The following LRRTM4 variants were observed in gnomAD, a reference collection of about 807,000 sequenced individuals.
The protein encoded by LRRTM4 is leucine rich repeat transmembrane neuronal 4.
A neutral mutation model predicts 47.6 loss-of-function variants in LRRTM4; 25 were observed. The observed-to-expected ratio is 0.53, with a 90% confidence interval of 0.38 to 0.73. The LOEUF (loss-of-function observed/expected upper bound fraction) is 0.73. Ranked by LOEUF, LRRTM4 falls within the 30% of genes least tolerant of loss-of-function variation. The pLI, the probability that LRRTM4 is intolerant of heterozygous loss-of-function variation, is 0.00. For synonymous variants in LRRTM4, 311 were observed against 269.5 expected, an observed-to-expected ratio of 1.15 and a Z score of -1.51; for missense variants, 638 against 713.4, an observed-to-expected ratio of 0.89 and a Z score of 1.20.
chr2:76,786,385 C>T (rs917130657), intron 3 of LRRTM4, among the ~76,000 whole-genome samples: 7 of 151,724 alleles, frequency 4.6e-5, no homozygotes, highest in African/African-American at 1.7e-4. Context: ...AAATTGGTCC[C>T]CCAAGACTCC....
intron 3 of LRRTM4, among the ~76,000 whole-genome samples, chr2:77,506,232 A>G (rs1678766367): frequency 6.6e-6 from 1 of 151,672 alleles, no homozygotes; most frequent in Non-Finnish European, 1.5e-5. Flanking sequence ...ATAATATTTT[A>G]GCAGGAAAAA....
chr2:77,317,639 A>T (rs1677655225), intron 3 of LRRTM4, among the ~76,000 whole-genome samples: 1 of 152,168 alleles, frequency 6.6e-6, no homozygotes, highest in African/African-American at 2.4e-5. Flanking sequence ...ACAGTATTTG[A>T]TGTTGTTCAC....
At chr2:77,308,513 G>A (rs992838048) in intron 3 of LRRTM4, among the ~76,000 whole-genome samples, 3 of 151,916 alleles carry the variant, frequency 2.0e-5, no homozygotes, top group African/African-American at 4.8e-5. Flanking sequence ...TGTGAGTTTT[G>A]TAGATAGGCA....
intron 3 of LRRTM4, among the ~76,000 whole-genome samples, chr2:77,074,712 C>T (rs1680275638): frequency 6.6e-6 from 1 of 152,066 alleles, no homozygotes; most frequent in Non-Finnish European, 1.5e-5. Context: ...AGTCCCAAAA[C>T]ATTAGCATGA....
chr2:77,246,354 G>C (rs1675445517), intron 3 of LRRTM4, among the ~76,000 whole-genome samples: 1 of 152,068 alleles, frequency 6.6e-6, no homozygotes. Context: ...TCCAATTCTG[G>C]TGACATTTCG....
chr2:77,486,892 G>A (rs1465932836), intron 3 of LRRTM4, among the ~76,000 whole-genome samples: 2 of 152,214 alleles, frequency 1.3e-5, no homozygotes, highest in East Asian at 1.9e-4. Context: ...TTTTCTTCTC[G>A]TTTTAATGAA....
At chr2:77,413,385 C>T (rs994766024) in intron 3 of LRRTM4, among the ~76,000 whole-genome samples, 1 of 152,126 alleles carries the variant, frequency 6.6e-6, no homozygotes, top group African/African-American at 2.4e-5. Context: ...AACCAATTAG[C>T]TGTAGCAGTC....
At chr2:77,055,962 T>G (rs1381385550) in intron 3 of LRRTM4, among the ~76,000 whole-genome samples, 2 of 146,884 alleles carry the variant, frequency 1.4e-5, no homozygotes, top group Non-Finnish European at 3.0e-5. Context: ...ACACCGCATA[T>G]TCTCACTCAT....
intron 3 of LRRTM4, among the ~76,000 whole-genome samples, chr2:76,995,960 A>G (rs1448654685): frequency 6.6e-6 from 1 of 152,108 alleles, no homozygotes; most frequent in African/African-American, 2.4e-5. Flanking sequence ...GAAATAATTA[A>G]CTTACGAAGG....
Position 76,864,491 on chromosome 2 carries a change from C to G in LRRTM4, c.1552-115575G>C, listed in dbSNP as rs188641457. On this transcript the variant is annotated intron_variant, in intron 3 of 3. Coordinates refer to ENST00000409884, the MANE Select transcript of LRRTM4 (RefSeq NM_001134745.3). ...TGACCAACATGGAGAAACCCCATCT[C>G]TACTAAAAATACAAAATTAGCTTGG... Among the ~76,000 whole-genome samples the G allele has an allele frequency of 2.6e-3, 398 of 151,750 alleles. 1 individual carries two copies. Among genetic ancestry groups the G allele is most frequent in the Non-Finnish European group, 4.0e-3 (273 of 67,920 alleles).
chr2:76,940,229 C>T (rs1042857623), intron 3 of LRRTM4, among the ~76,000 whole-genome samples: 1 of 151,890 alleles, frequency 6.6e-6, no homozygotes, highest in African/African-American at 2.4e-5. Flanking sequence ...GCAAAGACAT[C>T]GAATCAACCT....
At chr2:77,417,909 A>G (rs116079045) in intron 3 of LRRTM4, among the ~76,000 whole-genome samples, 1 of 152,260 alleles carries the variant, frequency 6.6e-6, no homozygotes, top group Non-Finnish European at 1.5e-5. Flanking sequence ...CTTAAAGTAT[A>G]ATAAAAAAAG....
intron 3 of LRRTM4, among the ~76,000 whole-genome samples, chr2:77,171,701 T>C (rs1673053447): frequency 6.6e-6 from 1 of 152,000 alleles, no homozygotes; most frequent in South Asian, 2.1e-4. Context: ...AAAAAGTTAA[T>C]ATTTATTACC....
At chr2:77,453,283 G>A (rs868383761) in intron 3 of LRRTM4, among the ~76,000 whole-genome samples, 10 of 147,146 alleles carry the variant, frequency 6.8e-5, no homozygotes, top group African/African-American at 2.5e-4. Context: ...CTGGGTTCAC[G>A]CCATTCTCCT....
At chr2:76,923,130 A>G (rs941981225) in intron 3 of LRRTM4, among the ~76,000 whole-genome samples, 1 of 152,054 alleles carries the variant, frequency 6.6e-6, no homozygotes, top group South Asian at 2.1e-4. Context: ...ACTTCTGTCA[A>G]TGTCTTTGTA....
At chr2:77,081,759 C>T (rs1425837103) in intron 3 of LRRTM4, among the ~76,000 whole-genome samples, 3 of 152,104 alleles carry the variant, frequency 2.0e-5, no homozygotes, top group Non-Finnish European at 2.9e-5. Context: ...GATAATGCTG[C>T]ACACTGAAAA....
chr2:77,042,580 C>A (rs1252285551), intron 3 of LRRTM4, among the ~76,000 whole-genome samples: 1 of 151,392 alleles, frequency 6.6e-6, no homozygotes, highest in African/African-American at 2.4e-5. Context: ...AATATGGGGT[C>A]TATTTTTGTA....
chr2:77,255,769 C>A (rs1284036150), intron 3 of LRRTM4, among the ~76,000 whole-genome samples: 1 of 151,936 alleles, frequency 6.6e-6, no homozygotes, highest in Non-Finnish European at 1.5e-5. Flanking sequence ...GTACCTCAAG[C>A]AATGACGAAA....
chr2:77,485,796 T>C (rs369691441), intron 3 of LRRTM4, among the ~76,000 whole-genome samples: 1 of 152,144 alleles, frequency 6.6e-6, no homozygotes, highest in Non-Finnish European at 1.5e-5. Context: ...AGTGGCATGA[T>C]CACAACTCAC....
Sources: allele counts gnomAD v4.1 joint callset (sites outside exome capture counted in the v4.1 genomes callset), GRCh38; gene constraint gnomAD v4.1.1; transcripts MANE v1.5; gene names NCBI Gene and HGNC (gene_info 2026-07-23, HGNC 2026-07-21).